ARHGEF3: variants seen among roughly 807,000 people sequenced by gnomAD.
ARHGEF3 encodes 59.8 kDA protein.
In ARHGEF3, 28 loss-of-function variants were observed where a neutral mutation model predicts 63.2. That is an observed-to-expected ratio of 0.44 (90% confidence interval 0.33 to 0.61). The LOEUF is 0.61. Among genes scored for constraint, ARHGEF3 ranks in the 20% least tolerant of loss-of-function variants. The probability of loss-of-function intolerance (pLI) is 0.03; values close to 1 mark genes in which losing one functional copy is unlikely to be tolerated. For missense variants in ARHGEF3, 533 were observed against 659.3 expected (o/e 0.81, Z 2.10); for synonymous variants, 266 against 254.2 (o/e 1.05, Z -0.44).
chr3:57,068,747 G>A (rs1705704605), intron 1 of ARHGEF3, among the ~76,000 whole-genome samples: 1 of 152,132 alleles, frequency 6.6e-6, no homozygotes, highest in Non-Finnish European at 1.5e-5. Flanking sequence ...AACCTCAACT[G>A]TGTAACGTGC....
chr3:56,872,616 T>C (rs1228111714), intron 4 of ARHGEF3, among the ~76,000 whole-genome samples: 4 of 151,478 alleles, frequency 2.6e-5, no homozygotes, highest in African/African-American at 4.9e-5. Context: ...TTCAAGCGAC[T>C]CTCCTGCCTC....
chr3:57,070,968 T>G (rs1169521593), intron 1 of ARHGEF3, among the ~76,000 whole-genome samples: 1 of 99,428 alleles, frequency 1.0e-5, no homozygotes, highest in African/African-American at 4.8e-5. Context: ...CAAGACTCTG[T>G]CACAAAAAAA....
rs557343948 is a variant in ARHGEF3, at chr3:56,987,546, C to T, written c.63-28657G>A. 3.6e-4 allele frequency among the ~76,000 whole-genome samples: 55 copies of T among 152,258 alleles called. No homozygotes were observed. In the South Asian group the frequency reaches 0.01, roughly 29 times the overall value. On this transcript the variant is annotated intron_variant, in intron 2 of 12. Coordinates refer to the ARHGEF3 transcript ENST00000338458. ...CAGAAGATGAAAGGGACTCTGGGGA[C>T]GGGGTGATGAACACTCCTGGGCATG...
At chr3:56,784,388 G>A (rs2036700825) in intron 1 of ARHGEF3, among the ~76,000 whole-genome samples, 1 of 152,160 alleles carries the variant, frequency 6.6e-6, no homozygotes, top group Non-Finnish European at 1.5e-5. Flanking sequence ...ATCCCTGGTT[G>A]GATGATGCCA....
intron 3 of ARHGEF3, among the ~76,000 whole-genome samples, chr3:56,917,397 C>G (rs1393080958): frequency 1.3e-5 from 2 of 152,196 alleles, no homozygotes; most frequent in African/African-American, 2.4e-5. Flanking sequence ...CCCAGGGTTT[C>G]CTGGGGCCTT....
intron 3 of ARHGEF3, among the ~76,000 whole-genome samples, chr3:56,948,692 C>A (rs1006368958): frequency 6.6e-6 from 1 of 152,116 alleles, no homozygotes; most frequent in Non-Finnish European, 1.5e-5. Context: ...CCGAATTCTA[C>A]CAGAGGTACA....
At chr3:56,759,698 G>T (rs2035311227) in intron 2 of ARHGEF3, among the ~76,000 whole-genome samples, 1 of 151,994 alleles carries the variant, frequency 6.6e-6, no homozygotes, top group Admixed American at 6.6e-5. Flanking sequence ...CTAAGCAAGT[G>T]CCTGGCTAAC....
intron 2 of ARHGEF3, among the ~76,000 whole-genome samples, chr3:56,759,385 G>T (rs1406055486): frequency 1.3e-5 from 2 of 152,010 alleles, no homozygotes; most frequent in African/African-American, 4.8e-5. Flanking sequence ...TCACCATGTT[G>T]GTCTCGATCT....
chr3:56,857,678 G>T (rs796308440), intron 4 of ARHGEF3, among the ~76,000 whole-genome samples: 29 of 152,326 alleles, frequency 1.9e-4, no homozygotes, highest in African/African-American at 7.0e-4. Context: ...TAACACCAAA[G>T]AAGCGGGGAG....
intron 8 of ARHGEF3, among the ~76,000 whole-genome samples, chr3:56,732,775 G>C (rs1044728368): frequency 6.6e-6 from 1 of 152,054 alleles, no homozygotes; most frequent in African/African-American, 2.4e-5. Flanking sequence ...AACGAGAAAG[G>C]GAAATAGAAT....
chr3:56,885,320 T>C (rs527660606), intron 3 of ARHGEF3, among the ~76,000 whole-genome samples: 29 of 152,040 alleles, frequency 1.9e-4, no homozygotes, highest in Non-Finnish European at 4.1e-4. Flanking sequence ...CCTTCCAGGT[T>C]AGGGTGTTGT....
intron 4 of ARHGEF3, among the ~76,000 whole-genome samples, chr3:56,848,308 T>C (rs546496493): frequency 1.8e-4 from 28 of 152,254 alleles, no homozygotes; most frequent in South Asian, 8.3e-4. Flanking sequence ...TGCTTGAAAA[T>C]GTCTATAATA....
intron 3 of ARHGEF3, among the ~76,000 whole-genome samples, chr3:56,951,799 A>G (rs1410671822): frequency 6.6e-6 from 1 of 151,926 alleles, no homozygotes; most frequent in Non-Finnish European, 1.5e-5. Context: ...AATATTGCAA[A>G]TATTCTCCCC....
At chr3:56,969,100 A>C (rs1700793387) in intron 2 of ARHGEF3, among the ~76,000 whole-genome samples, 1 of 152,206 alleles carries the variant, frequency 6.6e-6, no homozygotes, top group South Asian at 2.1e-4. Context: ...GTAGTACTAC[A>C]TCTGTAAATA....
upstream of ARHGEF3, among the ~76,000 whole-genome samples, chr3:56,803,998 C>T (rs1004963645): frequency 2.0e-5 from 3 of 151,620 alleles, no homozygotes; most frequent in African/African-American, 7.3e-5. Context: ...GATCTTTCCA[C>T]CTCAGCCTCC....
rs759228865 is a variant in ARHGEF3 at position 56,891,340 on chromosome 3, GC to G, written c.130-8987del. On this transcript the variant is annotated intron_variant, in intron 3 of 12. Transcript: ENST00000338458. The stretch of plus-strand genomic sequence containing the variant: ...GCCCCTACTCCATTTTTAGTACACT[GC>G]TTTTTTTTTTTTTTTCCTTTTCCTT... Among the ~76,000 whole-genome samples the G allele has an allele frequency of 4.8e-5, 6 of 125,702 alleles. No homozygotes were observed. The South Asian group carries it at 9.9e-4, about 21-fold the overall frequency. 82.5% of individuals were successfully genotyped at this position (125,702 alleles called of 152,430 possible).
intron 4 of ARHGEF3, among the ~76,000 whole-genome samples, chr3:56,855,409 C>T (rs187934172): frequency 3.3e-5 from 5 of 151,898 alleles, no homozygotes; most frequent in East Asian, 3.9e-4. Flanking sequence ...CTGGGCTGGG[C>T]GTGGTGGTTC....
intron 2 of ARHGEF3, among the ~76,000 whole-genome samples, chr3:57,002,481 A>ATATATATATATATATGT (rs1560122788): frequency 1.1e-3 from 21 of 19,422 alleles, no homozygotes; most frequent in African/African-American, 2.6e-3. Context: ...TATATATGTT[A>ATATATATATATATATGT]TATATATATA....
intron 3 of ARHGEF3, among the ~76,000 whole-genome samples, chr3:56,888,276 C>T (rs959081228): frequency 6.6e-6 from 1 of 152,148 alleles, no homozygotes; most frequent in African/African-American, 2.4e-5. Context: ...CCCTGACCAA[C>T]GAATCTATCC....
Sources: allele counts gnomAD v4.1 joint callset (sites outside exome capture counted in the v4.1 genomes callset), GRCh38; gene constraint gnomAD v4.1.1; transcripts MANE v1.5; gene names NCBI Gene and HGNC (gene_info 2026-07-23, HGNC 2026-07-21).